C6: variants seen among roughly 807,000 people sequenced by gnomAD.
C6 encodes the protein complement component C6.
In C6, 101 loss-of-function variants were observed where a neutral mutation model predicts 112.9. The observed-to-expected ratio is 0.89, with a 90% CI of 0.76 to 1.06. The LOEUF is 1.06. C6 is among the 50% of genes least tolerant of loss of function. The pLI is 0.00. For synonymous variants in C6, 431 were observed against 384.1 expected, an observed-to-expected ratio of 1.12 and a Z score of -1.43; for missense variants, 1,202 against 1,104.6, an observed-to-expected ratio of 1.09 and a Z score of -1.25.
chr5:41,232,931 C>A (rs1482929257), intron 1 of C6, among the ~76,000 whole-genome samples: 1 of 151,702 alleles, frequency 6.6e-6, no homozygotes, highest in Non-Finnish European at 1.5e-5. Context: ...TTCTGTAAAC[C>A]CAGTATCTAT....
intron 9 of C6, among the ~76,000 whole-genome samples, chr5:41,169,816 T>A (rs1748280423): frequency 6.6e-6 from 1 of 152,100 alleles, no homozygotes; most frequent in Admixed American, 6.6e-5. Flanking sequence ...AGACCCCTCC[T>A]CCAACATTGG....
chr5:41,169,121 C>T (rs114322067), intron 9 of C6, among the ~76,000 whole-genome samples: 6,910 of 152,184 alleles, frequency 0.045, 164 homozygotes, highest in Middle Eastern at 0.071. Context: ...GGACCATCAA[C>T]ATTGGCAATA....
At chr5:41,243,118 A>C (rs1040745249) in intron 1 of C6, among the ~76,000 whole-genome samples, 1 of 152,196 alleles carries the variant, frequency 6.6e-6, no homozygotes, top group South Asian at 2.1e-4. Context: ...GATATTGTAC[A>C]TTTCAAAATT....
chr5:41,222,709 C>T (rs73074048), intron 1 of C6, among the ~76,000 whole-genome samples: 23 of 152,196 alleles, frequency 1.5e-4, no homozygotes, highest in Middle Eastern at 3.4e-3. Context: ...CCTGCTCTTA[C>T]GAGTCAGGTA....
intron 17 of C6, among the ~76,000 whole-genome samples, chr5:41,143,846 A>G (rs1448275928): frequency 6.6e-6 from 1 of 152,168 alleles, no homozygotes; most frequent in East Asian, 1.9e-4. Context: ...CTGCTTTTGG[A>G]ATCACCAAAG....
chr5:41,153,214 C>A (rs1265233416), intron 15 of C6, among the ~76,000 whole-genome samples: 5 of 152,124 alleles, frequency 3.3e-5, no homozygotes, highest in Non-Finnish European at 5.9e-5. Flanking sequence ...GTCTTTCTGT[C>A]AATATTATTG....
At chr5:41,156,665 G>C (rs539797226) in intron 13 of C6, among the ~76,000 whole-genome samples, 1 of 152,132 alleles carries the variant, frequency 6.6e-6, no homozygotes, top group Non-Finnish European at 1.5e-5. Context: ...GGTTAAACTT[G>C]TCTCCTAGAA....
At chr5:41,205,777 G>A (rs1751388187) in intron 1 of C6, among the ~76,000 whole-genome samples, 1 of 152,224 alleles carries the variant, frequency 6.6e-6, no homozygotes, top group African/African-American at 2.4e-5. Flanking sequence ...TGCCTCTGTA[G>A]ACTCCACCTC....
intron 13 of C6, among the ~76,000 whole-genome samples, chr5:41,156,213 C>G (rs1172001116): frequency 6.6e-6 from 1 of 152,150 alleles, no homozygotes; most frequent in Admixed American, 6.6e-5. Flanking sequence ...CTCCATGTCT[C>G]CACTTGGTTG....
intron 6 of C6, among the ~76,000 whole-genome samples, chr5:41,183,253 A>G (rs1749490954): frequency 6.6e-6 from 1 of 152,250 alleles, no homozygotes; most frequent in African/African-American, 2.4e-5. Context: ...GGTAAAATGT[A>G]GCCAAATAAT....
At chr5:41,213,824 A>G (rs1752085824), upstream of C6, among the ~76,000 whole-genome samples, 1 of 152,214 alleles carries the variant, frequency 6.6e-6, no homozygotes, top group Non-Finnish European at 1.5e-5. Flanking sequence ...TAACTATTTA[A>G]GAAATGTTTT....
At chr5:41,163,277 GA>G (rs1337786485) in intron 9 of C6, among the ~76,000 whole-genome samples, 1 of 148,834 alleles carries the variant, frequency 6.7e-6, no homozygotes, top group East Asian at 2.0e-4. Flanking sequence ...AAAATTTCAA[GA>G]AACTTTTGTA....
At chr5:41,212,721 G>T (rs1463918136) in intron 1 of C6, among the ~76,000 whole-genome samples, 1 of 152,110 alleles carries the variant, frequency 6.6e-6, no homozygotes, top group Non-Finnish European at 1.5e-5. Context: ...AAATTCTTCA[G>T]TTTTCTCATA....
intron 1 of C6, among the ~76,000 whole-genome samples, chr5:41,231,854 A>G (rs1469635988): frequency 1.3e-5 from 2 of 151,816 alleles, no homozygotes; most frequent in Admixed American, 6.6e-5. Context: ...AATTTTCTTT[A>G]ATATAAGAAT....
chr5:41,252,784 C>T (rs1258831266), intron 1 of C6, among the ~76,000 whole-genome samples: 1 of 152,148 alleles, frequency 6.6e-6, no homozygotes, highest in Non-Finnish European at 1.5e-5. Context: ...TAACAAGAAC[C>T]TTGGCTTCCA....
chr5:41,145,785 G>A (rs1370784094), intron 17 of C6, among the ~76,000 whole-genome samples: 2 of 152,176 alleles, frequency 1.3e-5, no homozygotes, highest in Non-Finnish European at 2.9e-5. Flanking sequence ...GGAGTTTGGT[G>A]AAAGACAGGG....
intron 1 of C6, among the ~76,000 whole-genome samples, chr5:41,219,013 T>C (rs568425246): frequency 1.3e-5 from 2 of 152,354 alleles, no homozygotes; most frequent in African/African-American, 4.8e-5. Context: ...ATGTATTTTA[T>C]GATTTTCAAA....
chr5:41,220,850 C>T (rs2150403863), intron 1 of C6, among the ~76,000 whole-genome samples: 1 of 151,954 alleles, frequency 6.6e-6, no homozygotes, highest in Non-Finnish European at 1.5e-5. Flanking sequence ...AGCCTTTTCC[C>T]TACTCCTTCT....
intron 12 of C6, 85 bp downstream of exon 12, chr5:41,158,997 G>A (rs908384662): frequency 1.4e-6 from 2 of 1,435,548 alleles, no homozygotes; most frequent in Middle Eastern, 1.7e-4. Flanking sequence ...TCTTTACTTA[G>A]CAGTAGACTA....
Sources: allele counts gnomAD v4.1 joint callset (sites outside exome capture counted in the v4.1 genomes callset), GRCh38; gene constraint gnomAD v4.1.1; transcripts MANE v1.5; gene names NCBI Gene and HGNC (gene_info 2026-07-23, HGNC 2026-07-21).